The following FNIP2 variants were observed in gnomAD, a reference collection of about 807,000 sequenced individuals.
FNIP2 encodes folliculin-interacting protein 2.
FNIP2 carries 32 observed loss-of-function variants against 108.7 expected under a neutral mutation model. That is an observed-to-expected ratio of 0.29 (90% CI 0.22 to 0.40). FNIP2 has a LOEUF of 0.40. Among genes scored for constraint, FNIP2 ranks in the 10% least tolerant of loss-of-function variants. FNIP2 has a pLI of 1.00. For synonymous variants in FNIP2, 480 were observed against 496.7 expected (o/e 0.97, Z 0.45); for missense variants, 1,202 against 1,381.6 (o/e 0.87, Z 2.06).
At chr4:158,903,077 C>T (rs943573452) in intron 16 of FNIP2, among the ~76,000 whole-genome samples, 5 of 152,178 alleles carry the variant, frequency 3.3e-5, no homozygotes, top group South Asian at 4.1e-4. Context: ...CCCAAATGGC[C>T]GCCCAGTTTT....
At chr4:158,881,338 C>A (rs1444191224) in intron 14 of FNIP2, among the ~76,000 whole-genome samples, 1 of 147,372 alleles carries the variant, frequency 6.8e-6, no homozygotes, top group Non-Finnish European at 1.5e-5. Context: ...TCTCCCTCTC[C>A]CTCTCTTTCC....
chr4:158,881,215 T>C (rs953703387), intron 14 of FNIP2, among the ~76,000 whole-genome samples: 1 of 146,770 alleles, frequency 6.8e-6, no homozygotes, highest in African/African-American at 2.6e-5. Context: ...CTCCCTCTCT[T>C]TCCACGGTCT....
intron 12 of FNIP2, among the ~76,000 whole-genome samples, chr4:158,867,014 T>C (rs2126697159): frequency 6.6e-6 from 1 of 152,350 alleles, no homozygotes; most frequent in East Asian, 1.9e-4. Flanking sequence ...GCAGTAGTTT[T>C]AATAGTTAGG....
intron 1 of FNIP2, among the ~76,000 whole-genome samples, chr4:158,820,967 A>G (rs1777852749): frequency 6.6e-6 from 1 of 152,212 alleles, no homozygotes; most frequent in African/African-American, 2.4e-5. Context: ...TTTAAACTAC[A>G]GTACATGGCT....
At chr4:158,892,412 G>A (rs77896213) in intron 15 of FNIP2, among the ~76,000 whole-genome samples, 2,076 of 152,124 alleles carry the variant, frequency 0.014, 36 homozygotes, top group African/African-American at 0.041. Context: ...AATCACTTTC[G>A]TAACAATACT....
chr4:158,819,532 T>G (rs1308388540), intron 1 of FNIP2, among the ~76,000 whole-genome samples: 1 of 152,226 alleles, frequency 6.6e-6, no homozygotes, highest in Non-Finnish European at 1.5e-5. Flanking sequence ...CTGAAATTGC[T>G]CCAGGCAATT....
At chr4:158,864,305 A>C (rs1019426319) in intron 12 of FNIP2, among the ~76,000 whole-genome samples, 2 of 152,218 alleles carry the variant, frequency 1.3e-5, no homozygotes, top group Non-Finnish European at 2.9e-5. Flanking sequence ...CTGGGATTAC[A>C]GGTGTCAGCC....
chr4:158,902,576 G>A (rs1227512670), intron 16 of FNIP2, among the ~76,000 whole-genome samples: 2 of 152,222 alleles, frequency 1.3e-5, no homozygotes, highest in Non-Finnish European at 1.5e-5. Flanking sequence ...TGCTGAAGCT[G>A]TGCCTACAGC....
Position 158,905,187 on chromosome 4 carries a change from A to AC in FNIP2, c.*645dup, listed in dbSNP as rs1455787292. The AC allele has an allele frequency of 7.9e-5, 12 of 152,430 alleles. No homozygotes were observed. The highest frequency in any genetic ancestry group is 2.7e-4 in the African/African-American group (11 of 41,442). The allele number at this position is 152,430 out of a possible 1,614,324, so 9.4% of individuals were successfully genotyped here. ...CTGTTTTCATTTCTTCTTGGAGTTTACCTTGTTTCAGATGCAGCCATGGGT... is the reference window on the plus strand; with the variant it reads ...CTGTTTTCATTTCTTCTTGGAGTTTACCCTTGTTTCAGATGCAGCCATGGGT... On this transcript the variant is annotated 3_prime_UTR_variant, in exon 17 of 17. Transcript: ENST00000264433.
intron 1 of FNIP2, among the ~76,000 whole-genome samples, chr4:158,772,239 C>T (rs1561272902): frequency 6.6e-6 from 1 of 151,634 alleles, no homozygotes; most frequent in Non-Finnish European, 1.5e-5. Context: ...TAAATTAGGA[C>T]AAAAAAAATG....
intron 1 of FNIP2, among the ~76,000 whole-genome samples, chr4:158,807,187 G>A (rs1777016408): frequency 6.6e-6 from 1 of 152,088 alleles, no homozygotes; most frequent in Non-Finnish European, 1.5e-5. Context: ...TTAATGATTA[G>A]TGTAAAAGCA....
chr4:158,794,263 C>A (rs555373248), intron 1 of FNIP2, among the ~76,000 whole-genome samples: 2 of 152,026 alleles, frequency 1.3e-5, no homozygotes, highest in Admixed American at 6.6e-5. Flanking sequence ...AGCAATCCTC[C>A]GGCCTCAGCC....
intron 1 of FNIP2, among the ~76,000 whole-genome samples, chr4:158,810,367 CTG>C (rs964289918): frequency 6.6e-6 from 1 of 152,156 alleles, no homozygotes; most frequent in Non-Finnish European, 1.5e-5. Flanking sequence ...GGGTGTGACT[CTG>C]ATGGGTTGGG....
At chr4:158,806,714 G>A (rs1221773395) in intron 1 of FNIP2, among the ~76,000 whole-genome samples, 1 of 152,160 alleles carries the variant, frequency 6.6e-6, no homozygotes, top group Non-Finnish European at 1.5e-5. Context: ...TTTGTCCCAT[G>A]AAGCTTGGAT....
intron 7 of FNIP2, among the ~76,000 whole-genome samples, chr4:158,844,711 A>G (rs1779304774): frequency 6.6e-6 from 1 of 152,218 alleles, no homozygotes; most frequent in South Asian, 2.1e-4. Flanking sequence ...GAGTGAATGG[A>G]TTTGATTTAA....
intron 7 of FNIP2, among the ~76,000 whole-genome samples, chr4:158,841,228 G>C (rs893213894): frequency 3.9e-5 from 6 of 152,134 alleles, no homozygotes; most frequent in Middle Eastern, 6.3e-3. Flanking sequence ...GATTACACTG[G>C]GGATTTTATG....
At chr4:158,794,795 T>C (rs560249514) in intron 1 of FNIP2, 34 of 152,344 alleles carry the variant, frequency 2.2e-4, no homozygotes, top group African/African-American at 8.2e-4. Context: ...CACTGTCTCT[T>C]TGAGTTATTT....
At chr4:158,902,834 CCCAA>C (rs1729457492) in intron 16 of FNIP2, among the ~76,000 whole-genome samples, 1 of 152,182 alleles carries the variant, frequency 6.6e-6, no homozygotes, top group Non-Finnish European at 1.5e-5. Flanking sequence ...ATGCCCCTCC[CCCAA>C]CCAACCTCAA....
chr4:158,848,580 C>T (rs1176603158), intron 7 of FNIP2, among the ~76,000 whole-genome samples: 1 of 152,170 alleles, frequency 6.6e-6, no homozygotes, highest in Non-Finnish European at 1.5e-5. Context: ...CTGACATCTA[C>T]AAGCATAAAG....
Sources: gnomAD v4.1 joint callset for allele counts (sites outside exome capture counted in the v4.1 genomes callset) on GRCh38, gnomAD v4.1.1 for gene constraint, MANE v1.5 for transcripts, NCBI Gene and HGNC (gene_info 2026-07-23, HGNC 2026-07-21) for gene names.